The following LGR4 variants were observed in gnomAD, a reference collection of about 807,000 sequenced individuals.
LGR4 encodes the protein leucine-rich repeat-containing G protein-coupled receptor 4.
LGR4 carries 44 observed loss-of-function variants against 84.8 expected under a neutral mutation model. That is an observed-to-expected ratio of 0.52 (90% CI 0.41 to 0.67). The LOEUF (loss-of-function observed/expected upper bound fraction) is 0.67. Among genes scored for constraint, LGR4 ranks in the 30% least tolerant of loss-of-function variants. The pLI is 0.00. For synonymous variants in LGR4, 429 were observed against 434.3 expected (o/e 0.99, Z 0.15); for missense variants, 1,032 against 1,131.4 (o/e 0.91, Z 1.26).
chr11:27,372,594 C>T (rs866129533), intron 15 of LGR4, among the ~76,000 whole-genome samples, 196 bp from the exon 16 acceptor site: 9 of 152,152 alleles, frequency 5.9e-5, no homozygotes, highest in South Asian at 2.1e-4. Context: ...CAGATGACAA[C>T]GAGACTTTCT....
chr11:27,458,018 T>A (rs1349805985), intron 1 of LGR4, among the ~76,000 whole-genome samples: 1 of 152,102 alleles, frequency 6.6e-6, no homozygotes, highest in Non-Finnish European at 1.5e-5. Flanking sequence ...TAGTCCCATC[T>A]ATTTGGAGGG....
At chr11:27,443,326 C>G (rs865907722) in intron 1 of LGR4, among the ~76,000 whole-genome samples, 3 of 152,164 alleles carry the variant, frequency 2.0e-5, no homozygotes, top group Non-Finnish European at 2.9e-5. Context: ...AATTCCTCCC[C>G]AAGCTCATTC....
At chr11:27,402,170 C>A (rs1340444584) in intron 2 of LGR4, among the ~76,000 whole-genome samples, 1 of 152,144 alleles carries the variant, frequency 6.6e-6, no homozygotes, top group East Asian at 1.9e-4. Context: ...TACCAACTGG[C>A]CTTAACCCTT....
intron 1 of LGR4, among the ~76,000 whole-genome samples, chr11:27,429,004 T>A (rs1316579731): frequency 6.6e-6 from 1 of 152,146 alleles, no homozygotes; most frequent in Non-Finnish European, 1.5e-5. Flanking sequence ...TCATGTGATG[T>A]TATCCAGCAG....
At chr11:27,464,954 C>A (rs568405648) in intron 1 of LGR4, among the ~76,000 whole-genome samples, 1 of 151,884 alleles carries the variant, frequency 6.6e-6, no homozygotes, top group South Asian at 2.1e-4. Flanking sequence ...AAGGGGTTTA[C>A]GCAGCCTTTT....
chr11:27,412,852 C>T lies in LGR4; in HGVS notation c.194G>A (p.Ser65Asn). 3 of 1,595,560 alleles carry T rather than the reference C, an allele frequency of 1.9e-6. No homozygotes were observed. Among genetic ancestry groups the T allele is most frequent in the Non-Finnish European group, 2.6e-6 (3 of 1,163,922 alleles). ...TGGCAACTGAGTAATGTTGTTCATA[C>T]TGATATCCCTGGAAAACGTAAAGTT... ...LSAFTQALDISMNNITQLPED... is the reference protein window; with the variant it reads ...LSAFTQALDINMNNITQLPED... Residue 65 changes from serine (S) to asparagine (N), a missense_variant, in exon 2 of 18, where the codon AGT (serine) becomes AAT (asparagine). By Grantham distance (46) the Ser-to-Asn change is conservative. Coordinates refer to ENST00000379214, the MANE Select transcript of LGR4 (RefSeq NM_018490.5).
At chr11:27,406,935 T>C (rs1042333517) in intron 2 of LGR4, among the ~76,000 whole-genome samples, 6 of 152,126 alleles carry the variant, frequency 3.9e-5, no homozygotes, top group Admixed American at 3.3e-4. Flanking sequence ...GGGAATTCCT[T>C]GTATTAGAAG....
intron 1 of LGR4, among the ~76,000 whole-genome samples, chr11:27,413,981 G>A (rs1021125319): frequency 6.6e-6 from 1 of 151,998 alleles, no homozygotes; most frequent in Non-Finnish European, 1.5e-5. Flanking sequence ...CTTTCCCAAA[G>A]CAGGTTTGGA....
chr11:27,454,803 T>C (rs1460860053), intron 1 of LGR4, among the ~76,000 whole-genome samples: 1 of 152,000 alleles, frequency 6.6e-6, no homozygotes, highest in Non-Finnish European at 1.5e-5. Context: ...TTAAACATTT[T>C]TATTCACCTC....
chr11:27,409,057 A>C (rs180955531), intron 2 of LGR4, among the ~76,000 whole-genome samples: 178 of 152,264 alleles, frequency 1.2e-3, no homozygotes, highest in Non-Finnish European at 2.4e-3. Context: ...GGTTAAATAT[A>C]CAGAAGAAGC....
In LGR4 at chr11:27,377,183, T is replaced by C; in HGVS notation, c.1084A>G (p.Asn362Asp). Residue 362 changes from asparagine (N) to aspartate (D), a missense_variant, in exon 12 of 18, where the codon AAT (asparagine) becomes GAT (aspartate). By Grantham distance (23) the Asn-to-Asp change is conservative. Coordinates refer to ENST00000379214, the MANE Select transcript of LGR4 (RefSeq NM_018490.5). The part of the protein sequence containing the change: ...YNNIRDLPSF[N>D]GCHALEEISL... ...ATTTCTTCCAGAGCATGGCAACCAT[T>C]AAAACTTGGAAGGTCTCTTATATTA... 6.3e-7 allele frequency: 1 copy of C among 1,592,738 alleles called. No individual in the cohort carries two copies.
At chr11:27,385,190 A>C in intron 5 of LGR4, 63 bp downstream of exon 5, 1 of 1,186,962 alleles carries the variant, frequency 8.4e-7, no homozygotes, top group Non-Finnish European at 1.2e-6. Flanking sequence ...ATCTGTCAGA[A>C]GAAATCTGTT....
intron 5 of LGR4, 45 bp from the exon 6 acceptor site, chr11:27,384,452 G>T: frequency 7.8e-7 from 1 of 1,285,480 alleles, no homozygotes; most frequent in South Asian, 1.2e-5. Flanking sequence ...ATCTCCCATT[G>T]GCAACTATTA....
At chr11:27,404,280 T>C (rs1863560675) in intron 2 of LGR4, among the ~76,000 whole-genome samples, 2 of 152,284 alleles carry the variant, frequency 1.3e-5, no homozygotes, top group South Asian at 4.1e-4. Flanking sequence ...TTTCTACTAG[T>C]CTCCTATGAA....
chr11:27,391,893 C>T (rs1863292841), intron 3 of LGR4, among the ~76,000 whole-genome samples: 1 of 152,168 alleles, frequency 6.6e-6, no homozygotes. Flanking sequence ...TAATGACCTT[C>T]TGAAGGTCAT....
In LGR4 at chr11:27,434,415, T is replaced by C. The variant is rs570593213; in HGVS notation, c.186-21555A>G. ...AAAATGTTTAATATAGCTTAGTGTT[T>C]ACATCTCATTTCCCCTTTTAATATT... is the stretch of plus-strand genomic sequence containing the variant. On this transcript the variant is annotated intron_variant, in intron 1 of 17. Transcript: ENST00000379214. 2.6e-5 allele frequency among the ~76,000 whole-genome samples: 4 copies of C among 152,366 alleles called. No individual in the cohort carries two copies. In the South Asian group the frequency reaches 6.2e-4, roughly 24 times the overall value.
At chr11:27,371,351 G>C (rs572398868) in intron 17 of LGR4, among the ~76,000 whole-genome samples, 74 of 152,306 alleles carry the variant, frequency 4.9e-4, no homozygotes, top group African/African-American at 1.7e-3. Flanking sequence ...CATTAAGAAA[G>C]TGCCTCTGAA....
At chr11:27,406,617 T>TC (rs893136216) in intron 2 of LGR4, among the ~76,000 whole-genome samples, 39 of 152,180 alleles carry the variant, frequency 2.6e-4, no homozygotes, top group Admixed American at 2.0e-3. Flanking sequence ...CTCTGAGAGC[T>TC]CCCCAAATGA....
At chr11:27,429,518 G>A (rs943218452) in intron 1 of LGR4, among the ~76,000 whole-genome samples, 5 of 151,828 alleles carry the variant, frequency 3.3e-5, no homozygotes, top group African/African-American at 1.2e-4. Flanking sequence ...GGAAGGGGAG[G>A]TGGGGAGGTG....
Sources: gnomAD v4.1 joint callset for allele counts (sites outside exome capture counted in the v4.1 genomes callset) on GRCh38, gnomAD v4.1.1 for gene constraint, MANE v1.5 for transcripts, NCBI Gene and HGNC (gene_info 2026-07-23, HGNC 2026-07-21) for gene names.